The following KIAA0753 variants were observed in gnomAD, a reference collection of about 807,000 sequenced individuals.
The protein encoded by KIAA0753 is KIAA0753, also known as protein moonraker.
In KIAA0753, 114 loss-of-function variants were observed where a neutral mutation model predicts 116.9. The observed-to-expected ratio is 0.98, with a 90% CI of 0.84 to 1.14. The LOEUF (loss-of-function observed/expected upper bound fraction) is 1.14. Among genes scored for constraint, KIAA0753 ranks in the 50% most tolerant of loss-of-function variants. The pLI is 0.00. For missense variants in KIAA0753, 1,156 were observed against 1,172.4 expected (o/e 0.99, Z 0.20); for synonymous variants, 405 against 413.1 (o/e 0.98, Z 0.24).
intron 18 of KIAA0753, among the ~76,000 whole-genome samples, chr17:6,584,507 G>A (rs891484745): frequency 1.3e-5 from 2 of 152,064 alleles, no homozygotes; most frequent in Admixed American, 1.3e-4. Context: ...GAAATACAAG[G>A]GTACTTCTGC....
intron 18 of KIAA0753, among the ~76,000 whole-genome samples, chr17:6,589,151 A>G (rs1968800155): frequency 1.3e-5 from 2 of 152,070 alleles, no homozygotes; most frequent in South Asian, 4.1e-4. Flanking sequence ...CTAACCCCCA[A>G]TGTGGTAGTA....
chr17:6,602,692 T>C (rs1969953945), intron 12 of KIAA0753, among the ~76,000 whole-genome samples: 2 of 152,326 alleles, frequency 1.3e-5, no homozygotes, highest in South Asian at 4.1e-4. Context: ...TTGATTAGCG[T>C]TTTGGTTACC....
intron 5 of KIAA0753, 136 bp from the exon 6 acceptor site, chr17:6,623,233 A>G: frequency 1.1e-6 from 1 of 912,036 alleles, no homozygotes; most frequent in Non-Finnish European, 1.6e-6. Context: ...TTCATAGTAA[A>G]GGGAGTTGTA....
intron 3 of KIAA0753, among the ~76,000 whole-genome samples, chr17:6,626,146 G>C (rs1971652679): frequency 6.6e-6 from 1 of 152,182 alleles, no homozygotes; most frequent in African/African-American, 2.4e-5. Flanking sequence ...GAAAAGATTG[G>C]TTCAAAGAAA....
intron 12 of KIAA0753, among the ~76,000 whole-genome samples, chr17:6,604,132 C>T (rs747204844): frequency 1.1e-4 from 17 of 152,326 alleles, no homozygotes; most frequent in Middle Eastern, 3.4e-3. Flanking sequence ...CAACTGCCCT[C>T]TGGGCATTTA....
At chr17:6,597,324 T>C (rs1002877751) in intron 14 of KIAA0753, among the ~76,000 whole-genome samples, 1 of 152,058 alleles carries the variant, frequency 6.6e-6, no homozygotes, top group Non-Finnish European at 1.5e-5. Flanking sequence ...TCAAACTGAA[T>C]AACCAATATA....
At chr17:6,623,720 G>T in intron 4 of KIAA0753, 149 bp from the exon 5 acceptor site, 1 of 1,158,008 alleles carries the variant, frequency 8.6e-7, no homozygotes, top group Non-Finnish European at 1.1e-6. Context: ...CTTCATTCAT[G>T]CACCCAAAAA....
chr17:6,586,988 A>C (rs1417939820), intron 18 of KIAA0753, among the ~76,000 whole-genome samples: 1 of 152,200 alleles, frequency 6.6e-6, no homozygotes, highest in Non-Finnish European at 1.5e-5. Context: ...TAATCCCAGC[A>C]CTTTGAGAGG....
chr17:6,633,212 G>A (rs1418105736), intron 2 of KIAA0753, among the ~76,000 whole-genome samples: 4 of 152,194 alleles, frequency 2.6e-5, no homozygotes, highest in South Asian at 2.1e-4. Flanking sequence ...GAGGGAATAC[G>A]TAGCAAAATG....
intron 8 of KIAA0753, among the ~76,000 whole-genome samples, chr17:6,611,489 G>C (rs981490315): frequency 9.9e-5 from 15 of 151,928 alleles, no homozygotes; most frequent in African/African-American, 3.4e-4. Context: ...GTAGAGATGG[G>C]GTCTCACTAT....
chr17:6,624,983 T>C (rs553366842), intron 3 of KIAA0753, 122 bp from the exon 4 acceptor site: 2 of 687,880 alleles, frequency 2.9e-6, no homozygotes, highest in Non-Finnish European at 4.8e-6. Context: ...AAGAAAAAAA[T>C]GAGGCTATCA....
At position 6,615,636 on chromosome 17, in the gene KIAA0753, A is replaced by AC. The variant is rs1312868660; in HGVS notation, c.1316-3489_1316-3488insG. Among the ~76,000 whole-genome samples the AC allele has an allele frequency of 3.3e-5, 5 of 151,338 alleles. No homozygotes were observed. In the East Asian group the frequency reaches 7.8e-4, roughly 24 times the overall value. On this transcript the variant is annotated intron_variant, in intron 7 of 18. Transcript: ENST00000361413. ...TCTCAAAAAAAAAAAAAAAAAAAAAAAAAAAACCTAAATCCTCAGTCTGTA... is the reference window on the plus strand; with the variant it reads ...TCTCAAAAAAAAAAAAAAAAAAAAAACAAAAAACCTAAATCCTCAGTCTGTA...
chr17:6,600,535 G>C (rs943427225), intron 12 of KIAA0753, 77 bp from the exon 13 acceptor site: 2 of 1,105,402 alleles, frequency 1.8e-6, no homozygotes, highest in Admixed American at 1.9e-5. Flanking sequence ...TGCCACTCCA[G>C]GAGAAGGGAA....
chr17:6,603,004 C>T (rs1045341418), intron 12 of KIAA0753, among the ~76,000 whole-genome samples: 80 of 152,134 alleles, frequency 5.3e-4, no homozygotes, highest in African/African-American at 1.8e-3. Context: ...GGACAGGCGA[C>T]CACTAAGTAA....
chr17:6,610,654 G>A (rs1970481677), intron 8 of KIAA0753, among the ~76,000 whole-genome samples: 2 of 150,872 alleles, frequency 1.3e-5, no homozygotes, highest in African/African-American at 4.9e-5. Context: ...CTGAATAGCT[G>A]GGATCACAAG....
intron 2 of KIAA0753, among the ~76,000 whole-genome samples, chr17:6,629,934 C>T (rs968488031): frequency 2.0e-5 from 3 of 152,178 alleles, no homozygotes; most frequent in African/African-American, 7.2e-5. Context: ...GCTTGGCCAA[C>T]ATGGCAAAAC....
In KIAA0753 at chr17:6,606,858, G is replaced by A; in HGVS notation, c.2009+15C>T. 6.2e-7 allele frequency: 1 copy of A among 1,607,870 alleles called. No individual in the cohort carries two copies. Among genetic ancestry groups the A allele is most frequent in the Non-Finnish European group, 8.5e-7 (1 of 1,174,374 alleles). Reference sequence around the variant, plus strand: ...GGCAAACATCCACTATTCTTCCTAAGAAGCAAACACATACCTCAATTGTTG... The same window carrying A: ...GGCAAACATCCACTATTCTTCCTAAAAAGCAAACACATACCTCAATTGTTG... On this transcript the variant is annotated intron_variant, in intron 12 of 18. Coordinates refer to ENST00000361413, the MANE Select transcript of KIAA0753 (RefSeq NM_014804.3).
chr17:6,640,141 T>G (rs2150941599), intron 1 of KIAA0753: 1 of 152,748 alleles, frequency 6.5e-6, no homozygotes, highest in East Asian at 1.9e-4. Flanking sequence ...CTCCGAGGGC[T>G]TCGCCCGGCG....
rs1203713070 is a variant in KIAA0753, at chr17:6,628,550, C to T, written c.285G>A (p.Glu95=). 5.0e-6 allele frequency: 8 copies of T among 1,614,200 alleles called. No homozygotes were observed. Among genetic ancestry groups the T allele is most frequent in the Non-Finnish European group, 6.8e-6 (8 of 1,180,032 alleles). ...CTAGGTGGACAGCATAGCTAAGTCT[C>T]TCTTGGGATATGACGGAAAATGAAA... ...SSVSFSVISQ[E]RLSYAVHLAR... The change falls in exon 3 of 19, where the codon GAG becomes GAA. Residue 95 remains glutamate (E), a synonymous_variant. Transcript: ENST00000361413.
Sources: allele counts gnomAD v4.1 joint callset (sites outside exome capture counted in the v4.1 genomes callset), GRCh38; gene constraint gnomAD v4.1.1; transcripts MANE v1.5; gene names NCBI Gene and HGNC (gene_info 2026-07-23, HGNC 2026-07-21).